The following CSMD1 variants were observed in gnomAD, a reference collection of about 807,000 sequenced individuals.
The protein encoded by CSMD1 is CUB and Sushi multiple domains 1, also known as CUB and sushi domain-containing protein 1.
In CSMD1, 213 loss-of-function variants were observed where a neutral mutation model predicts 417.5. The observed-to-expected ratio is 0.51, with a 90% CI of 0.46 to 0.57. The LOEUF (loss-of-function observed/expected upper bound fraction) is 0.57. CSMD1 is among the 20% of genes least tolerant of loss of function. The pLI, the probability that CSMD1 is intolerant of heterozygous loss-of-function variation, is 0.00. For missense variants in CSMD1, 6,923 were observed against 4,529.7 expected (o/e 1.53, Z -15.17); for synonymous variants, 2,862 against 1,736.8 (o/e 1.65, Z -16.11).
At chr8:4,432,178 T>C (rs1163650879) in intron 2 of CSMD1, among the ~76,000 whole-genome samples, 1 of 152,184 alleles carries the variant, frequency 6.6e-6, no homozygotes, top group African/African-American at 2.4e-5. Context: ...GGCAATTATA[T>C]TGCGAAGTTT....
chr8:3,411,008 C>G (rs1340398651), intron 12 of CSMD1, among the ~76,000 whole-genome samples: 1 of 152,066 alleles, frequency 6.6e-6, no homozygotes, highest in Non-Finnish European at 1.5e-5. Flanking sequence ...CCCAGTGTGC[C>G]GGGCAGGGCA....
At chr8:3,058,799 C>T (rs1257051599) in intron 49 of CSMD1, among the ~76,000 whole-genome samples, 2 of 151,992 alleles carry the variant, frequency 1.3e-5, no homozygotes, top group Non-Finnish European at 2.9e-5. Flanking sequence ...TGCCCACACA[C>T]GGTTTACAAA....
chr8:3,713,562 G>A (rs978524495), intron 6 of CSMD1, among the ~76,000 whole-genome samples: 1 of 152,006 alleles, frequency 6.6e-6, no homozygotes. Flanking sequence ...GAACTTCCAA[G>A]ACCTCTCTTA....
intron 26 of CSMD1, among the ~76,000 whole-genome samples, chr8:3,246,421 A>G (rs989382373): frequency 1.4e-4 from 21 of 152,052 alleles, no homozygotes; most frequent in South Asian, 4.2e-4. Flanking sequence ...GCTCTCACAT[A>G]TTAAACTCTT....
chr8:4,899,744 A>G (rs920562150), intron 1 of CSMD1, among the ~76,000 whole-genome samples: 1 of 152,198 alleles, frequency 6.6e-6, no homozygotes, highest in African/African-American at 2.4e-5. Context: ...TCTTGTGGGA[A>G]AAGAAAAAGC....
intron 3 of CSMD1, among the ~76,000 whole-genome samples, chr8:4,419,538 T>G (rs1377729943): frequency 6.6e-6 from 1 of 152,160 alleles, no homozygotes; most frequent in Admixed American, 6.6e-5. Context: ...AATTTCAGCT[T>G]TGACAACAAA....
At chr8:4,446,366 G>A (rs1022323486) in intron 2 of CSMD1, among the ~76,000 whole-genome samples, 1 of 152,150 alleles carries the variant, frequency 6.6e-6, no homozygotes, top group East Asian at 1.9e-4. Flanking sequence ...TGGGCAACAT[G>A]GCAGAACCCC....
At chr8:4,308,849 C>G (rs1326294653) in intron 3 of CSMD1, among the ~76,000 whole-genome samples, 2 of 152,134 alleles carry the variant, frequency 1.3e-5, no homozygotes, top group Non-Finnish European at 2.9e-5. Context: ...CACCCCATAT[C>G]AAAGGCATGT....
chr8:4,185,069 G>A (rs1798584263), intron 3 of CSMD1, among the ~76,000 whole-genome samples: 2 of 147,934 alleles, frequency 1.4e-5, no homozygotes, highest in South Asian at 4.2e-4. Context: ...AGCCTGGGAG[G>A]CAGAGGTTGC....
intron 11 of CSMD1, among the ~76,000 whole-genome samples, chr8:3,488,112 T>TTA (rs1563085417): frequency 2.7e-5 from 3 of 110,552 alleles, no homozygotes; most frequent in South Asian, 2.5e-4. Flanking sequence ...TATTATTATT[T>TTA]TTCTTTTTGA....
chr8:3,154,415 A>C (rs1819391108), intron 39 of CSMD1, among the ~76,000 whole-genome samples: 1 of 152,238 alleles, frequency 6.6e-6, no homozygotes, highest in Admixed American at 6.5e-5. Context: ...CTTATAGGTA[A>C]ATAGCATATT....
At chr8:4,293,743 C>A (rs537171661) in intron 3 of CSMD1, among the ~76,000 whole-genome samples, 5 of 152,132 alleles carry the variant, frequency 3.3e-5, no homozygotes, top group African/African-American at 1.2e-4. Context: ...TATTAAAGCA[C>A]AGATATTTTT....
Position 3,714,716 on chromosome 8 carries a change from C to T in CSMD1, c.932-6225G>A, listed in dbSNP as rs556290870. Among the ~76,000 whole-genome samples the T allele has an allele frequency of 1.8e-4, 28 of 152,034 alleles. No homozygotes were observed. In the East Asian group the frequency reaches 4.6e-3, roughly 25 times the overall value. On this transcript the variant is annotated intron_variant, in intron 6 of 69. Coordinates refer to ENST00000635120, the MANE Select transcript of CSMD1 (RefSeq NM_033225.6). The stretch of plus-strand genomic sequence containing the variant: ...GGTGCCACTGTACTCCAGCCTGGGC[C>T]ACACAGTGAGACCCTTTAGTTTCTC...
At chr8:3,418,257 G>A (rs899534637) in intron 12 of CSMD1, among the ~76,000 whole-genome samples, 1 of 152,080 alleles carries the variant, frequency 6.6e-6, no homozygotes, top group Admixed American at 6.5e-5. Flanking sequence ...GGAAATTCGG[G>A]CTATAAGTAA....
At chr8:3,308,931 G>A (rs557003590) in intron 23 of CSMD1, among the ~76,000 whole-genome samples, 21 of 151,766 alleles carry the variant, frequency 1.4e-4, no homozygotes, top group Non-Finnish European at 1.0e-4. Flanking sequence ...CACTATGTTG[G>A]CCAGGCTGGT....
intron 3 of CSMD1, among the ~76,000 whole-genome samples, chr8:4,351,144 T>C (rs1347094204): frequency 2.0e-5 from 3 of 150,356 alleles, no homozygotes; most frequent in African/African-American, 7.4e-5. Context: ...CATAGCAAGG[T>C]CCCATCTCTA....
At chr8:4,225,141 A>T (rs1334305695) in intron 3 of CSMD1, among the ~76,000 whole-genome samples, 1 of 152,156 alleles carries the variant, frequency 6.6e-6, no homozygotes, top group African/African-American at 2.4e-5. Context: ...AATTCATTTT[A>T]TTTGTTCATG....
At chr8:4,750,356 A>G (rs1350936259) in intron 1 of CSMD1, among the ~76,000 whole-genome samples, 1 of 152,144 alleles carries the variant, frequency 6.6e-6, no homozygotes, top group Non-Finnish European at 1.5e-5. Context: ...CAGAAAATTG[A>G]GTTGCTTTTT....
chr8:4,168,289 G>A (rs1797569696), intron 3 of CSMD1, among the ~76,000 whole-genome samples: 1 of 151,794 alleles, frequency 6.6e-6, no homozygotes, highest in Admixed American at 6.6e-5. Flanking sequence ...AACTACACAG[G>A]AGGCTGAGGC....
Sources: gnomAD v4.1 joint callset for allele counts (sites outside exome capture counted in the v4.1 genomes callset) on GRCh38, gnomAD v4.1.1 for gene constraint, MANE v1.5 for transcripts, NCBI Gene and HGNC (gene_info 2026-07-23, HGNC 2026-07-21) for gene names.